REEP5: variants seen among roughly 807,000 people sequenced by gnomAD.
REEP5 encodes receptor accessory protein 5, also known as receptor expression-enhancing protein 5.
A neutral mutation model predicts 22.4 loss-of-function variants in REEP5; 24 were observed. The ratio of observed to expected loss-of-function variants is 1.07; its 90% CI spans 0.78 to 1.51. The LOEUF (loss-of-function observed/expected upper bound fraction) is 1.51, where lower values mean the gene tolerates loss of function less well. Among genes scored for constraint, REEP5 ranks in the 40% most tolerant of loss-of-function variants. The pLI is 0.00. For synonymous variants in REEP5, 103 were observed against 88.6 expected (o/e 1.16, Z -0.92); for missense variants, 252 against 233.0 (o/e 1.08, Z -0.53).
intron 3 of REEP5, among the ~76,000 whole-genome samples, chr5:112,889,015 G>A (rs1289194385): frequency 6.6e-6 from 1 of 150,786 alleles, no homozygotes; most frequent in East Asian, 2.0e-4. Context: ...CCTTTCGCTT[G>A]GGCTCTCATT....
Position 112,908,864 on chromosome 5 carries a change from A to ATTTTT in REEP5, c.213-6351_213-6347dup, listed in dbSNP as rs397974052. Among the ~76,000 whole-genome samples the ATTTTT allele has an allele frequency of 3.9e-3, 553 of 142,288 alleles. 9 individuals carry two copies. Among genetic ancestry groups the ATTTTT allele is most frequent in the East Asian group, 0.038 (185 of 4,860 alleles). 93.3% of individuals were successfully genotyped at this position (142,288 alleles called of 152,430 possible). On this transcript the variant is annotated intron_variant, in intron 2 of 4. Transcript: ENST00000379638. Reference sequence around the variant, plus strand: ...GCCACCATGCCCAGCCCAGCTAATGATTTTTTTTTTTTTTTTACAAATTTC... The same window carrying ATTTTT: ...GCCACCATGCCCAGCCCAGCTAATGATTTTTTTTTTTTTTTTTTTTTACAAATTTC...
chr5:112,892,990 C>G, intron 3 of REEP5: 2 of 1,581,046 alleles, frequency 1.3e-6, no homozygotes, highest in Non-Finnish European at 1.7e-6. Flanking sequence ...CCACCGCAGC[C>G]GGAGCCAAAG....
chr5:112,890,093 C>G (rs1391230440), intron 3 of REEP5, among the ~76,000 whole-genome samples: 1 of 150,288 alleles, frequency 6.7e-6, no homozygotes, highest in Non-Finnish European at 1.5e-5. Context: ...TCCCAAAGTG[C>G]TGGGATTACA....
At chr5:112,916,855 A>C (rs1769243359) in intron 2 of REEP5, among the ~76,000 whole-genome samples, 1 of 152,246 alleles carries the variant, frequency 6.6e-6, no homozygotes, top group Non-Finnish European at 1.5e-5. Flanking sequence ...AAAAATGGGA[A>C]TAATCATAGC....
intron 2 of REEP5, among the ~76,000 whole-genome samples, chr5:112,905,944 G>C (rs532666970): frequency 6.6e-6 from 1 of 152,264 alleles, no homozygotes; most frequent in African/African-American, 2.4e-5. Flanking sequence ...CTTCTGATTA[G>C]ACTTCCTTGT....
chr5:112,890,386 TAAAAA>T, intron 3 of REEP5, among the ~76,000 whole-genome samples: 1 of 147,332 alleles, frequency 6.8e-6, no homozygotes. Context: ...TTTTTTTAAA[TAAAAA>T]AGGGTTTCAC....
intron 2 of REEP5, among the ~76,000 whole-genome samples, chr5:112,915,122 G>GA: frequency 6.6e-6 from 1 of 151,928 alleles, no homozygotes. Flanking sequence ...AGTCAGTCCT[G>GA]AAAAAGAGAA....
At chr5:112,908,393 G>A (rs773238729) in intron 2 of REEP5, among the ~76,000 whole-genome samples, 7 of 151,940 alleles carry the variant, frequency 4.6e-5, no homozygotes, top group East Asian at 1.9e-4. Flanking sequence ...GTAAGCCCCC[G>A]TGCCTGGCTG....
intron 3 of REEP5, among the ~76,000 whole-genome samples, chr5:112,899,262 G>GTTTTTTTTTTTTTTTTTTTTTTTTTT (rs35060737): frequency 1.4e-5 from 2 of 144,594 alleles, no homozygotes; most frequent in African/African-American, 5.0e-5. Context: ...TTGGTTTTCG[G>GTTTTTTTTTTTTTTTTTTTTTTTTTT]TTTTTTTTTT....
At chr5:112,905,764 G>C (rs1251143006) in intron 2 of REEP5, among the ~76,000 whole-genome samples, 1 of 151,888 alleles carries the variant, frequency 6.6e-6, no homozygotes, top group African/African-American at 2.4e-5. Flanking sequence ...GGGACTACAG[G>C]TTCACATCAT....
At chr5:112,914,730 T>C (rs562629770) in intron 2 of REEP5, among the ~76,000 whole-genome samples, 2 of 152,276 alleles carry the variant, frequency 1.3e-5, no homozygotes, top group South Asian at 4.1e-4. Context: ...CCACCTTAGA[T>C]GCGGACCGCA....
intron 4 of REEP5, chr5:112,885,559 C>A: frequency 4.0e-6 from 1 of 249,454 alleles, no homozygotes. Context: ...ACTACCTTCC[C>A]AGTATGATAT....
chr5:112,905,629 T>TTGAC (rs1423778264), intron 2 of REEP5, among the ~76,000 whole-genome samples: 2 of 149,562 alleles, frequency 1.3e-5, no homozygotes, highest in African/African-American at 4.9e-5. Flanking sequence ...GATTGATTGA[T>TTGAC]TGATTGATTG....
In REEP5 at chr5:112,912,225, G is replaced by A. The variant is rs1401787612; in HGVS notation, c.212+8938C>T. Among the ~76,000 whole-genome samples the A allele has an allele frequency of 1.1e-4, 16 of 152,054 alleles. No homozygotes were observed. The East Asian group carries it at 3.1e-3, about 29-fold the overall frequency. On this transcript the variant is annotated intron_variant, in intron 2 of 4. Transcript: ENST00000379638. ...TCAGCTCCATATACACATGCTTTTG[G>A]CTACTCACACCTAAGACACATAGGT...
intron 2 of REEP5, among the ~76,000 whole-genome samples, chr5:112,916,979 C>A (rs1471898274): frequency 6.6e-6 from 1 of 152,170 alleles, no homozygotes; most frequent in African/African-American, 2.4e-5. Flanking sequence ...AGGAGTCATA[C>A]AAAGAGCTAA....
At chr5:112,892,542 G>C in intron 3 of REEP5, 2 of 1,614,210 alleles carry the variant, frequency 1.2e-6, no homozygotes, top group Non-Finnish European at 1.7e-6. Flanking sequence ...CAGGACGACA[G>C]CTGCAATGTG....
chr5:112,891,948 A>G (rs1302335893), intron 3 of REEP5: 2 of 1,254,840 alleles, frequency 1.6e-6, no homozygotes, highest in Admixed American at 1.7e-5. Context: ...CGGCTAAAAA[A>G]TGGCTAGAAG....
chr5:112,919,420 C>T (rs900420832), intron 2 of REEP5, among the ~76,000 whole-genome samples: 10 of 151,210 alleles, frequency 6.6e-5, no homozygotes, highest in African/African-American at 2.2e-4. Flanking sequence ...TGGTGGCACA[C>T]GCCTGTAATC....
chr5:112,878,637 A>G lies in REEP5; in HGVS notation c.*149T>C. On this transcript the variant is annotated 3_prime_UTR_variant, in exon 5 of 5. Transcript: ENST00000379638. ...ATATATATAGACAGTAAAAGTAAGC[A>G]AAGAAACTTACAACACATTCCAATC... 8.5e-7 allele frequency: 1 copy of G among 1,177,886 alleles called. No individual in the cohort carries two copies. Among genetic ancestry groups the G allele is most frequent in the Non-Finnish European group, 1.2e-6 (1 of 845,648 alleles). The allele number at this position is 1,177,886 out of a possible 1,614,324, so 73.0% of individuals were successfully genotyped here.
Sources: gnomAD v4.1 joint callset for allele counts (sites outside exome capture counted in the v4.1 genomes callset) on GRCh38, gnomAD v4.1.1 for gene constraint, MANE v1.5 for transcripts, NCBI Gene and HGNC (gene_info 2026-07-23, HGNC 2026-07-21) for gene names.